The following SH3PXD2A variants were observed in gnomAD, a reference collection of about 807,000 sequenced individuals.
SH3PXD2A encodes the protein SH3 and PX domain-containing protein 2A.
In SH3PXD2A, 32 loss-of-function variants were observed where a neutral mutation model predicts 115.2. The observed-to-expected ratio is 0.28, with a 90% CI of 0.21 to 0.37. SH3PXD2A has a LOEUF of 0.37. Among genes scored for constraint, SH3PXD2A ranks in the 10% least tolerant of loss-of-function variants. The probability of loss-of-function intolerance (pLI) is 1.00; values close to 1 mark genes in which losing one functional copy is unlikely to be tolerated. For missense variants in SH3PXD2A, 1,328 were observed against 1,498.7 expected (o/e 0.89, Z 1.88); for synonymous variants, 610 against 629.1 (o/e 0.97, Z 0.45).
intron 6 of SH3PXD2A, among the ~76,000 whole-genome samples, chr10:103,675,223 G>A (rs575433865): frequency 6.6e-6 from 1 of 152,304 alleles, no homozygotes; most frequent in South Asian, 2.1e-4. Context: ...GTTTAGAAGG[G>A]TCCCTGCAGC....
At chr10:103,681,474 A>G (rs1321726366) in intron 6 of SH3PXD2A, among the ~76,000 whole-genome samples, 2 of 152,246 alleles carry the variant, frequency 1.3e-5, no homozygotes, top group Admixed American at 1.3e-4. Context: ...AAGCCTGTCA[A>G]AAATGCAGAT....
At chr10:103,712,883 C>A (rs2038062288) in intron 5 of SH3PXD2A, among the ~76,000 whole-genome samples, 1 of 152,198 alleles carries the variant, frequency 6.6e-6, no homozygotes, top group Non-Finnish European at 1.5e-5. Context: ...AGCTGAAGGG[C>A]AATGGCATGA....
chr10:103,793,510 G>A lies in SH3PXD2A; in HGVS notation c.153+7772C>T, dbSNP rs565592189. Among the ~76,000 whole-genome samples the A allele has an allele frequency of 2.6e-5, 4 of 152,204 alleles. No homozygotes were observed. The South Asian group carries it at 8.3e-4, about 31-fold the overall frequency. ...CTCTGTATGGATGGTCTTTTAGGCT[G>A]TTTCCCATTTTTGCCATTGCAAACA... On this transcript the variant is annotated intron_variant, in intron 2 of 14. Transcript: ENST00000369774.
intron 3 of SH3PXD2A, among the ~76,000 whole-genome samples, chr10:103,742,826 T>TG (rs917891392): frequency 3.4e-4 from 52 of 151,850 alleles, no homozygotes; most frequent in African/African-American, 6.3e-4. Context: ...GCCGAGAGAA[T>TG]GGGGGGGCGG....
At chr10:103,719,344 C>T (rs1283793436) in intron 5 of SH3PXD2A, among the ~76,000 whole-genome samples, 4 of 152,222 alleles carry the variant, frequency 2.6e-5, no homozygotes, top group Admixed American at 6.5e-5. Flanking sequence ...CTGGGGCCAG[C>T]CAGCCTGGCT....
Position 103,633,727 on chromosome 10 carries a change from C to CCAAAAA in SH3PXD2A, c.605-6526_605-6525insTTTTTG, listed in dbSNP as rs1554905367. 4.6e-4 allele frequency among the ~76,000 whole-genome samples: 34 copies of CCAAAAA among 74,358 alleles called. 9 individuals are homozygous for CCAAAAA. Among genetic ancestry groups the CCAAAAA allele is most frequent in the Admixed American group, 5.2e-4 (3 of 5,822 alleles). 48.8% of individuals were successfully genotyped at this position (74,358 alleles called of 152,430 possible). On this transcript the variant is annotated intron_variant, in intron 8 of 14. Coordinates refer to ENST00000369774, the MANE Select transcript of SH3PXD2A (RefSeq NM_001394015.1). ...TAGGCGATGGAGCAAGATTCTGTCT[C>CCAAAAA]AAAAAAAAAAAAAAAAAAAAAAAAA...
At chr10:103,791,233 C>G (rs1045414985) in intron 2 of SH3PXD2A, among the ~76,000 whole-genome samples, 1 of 152,172 alleles carries the variant, frequency 6.6e-6, no homozygotes, top group African/African-American at 2.4e-5. Flanking sequence ...CAGCAAAGGG[C>G]GGAGATGGCT....
chr10:103,780,374 T>A (rs896922879), intron 2 of SH3PXD2A, among the ~76,000 whole-genome samples: 1 of 152,214 alleles, frequency 6.6e-6, no homozygotes, highest in South Asian at 2.1e-4. Context: ...AGAACCTTCT[T>A]CCTCCAAAGT....
chr10:103,604,839 T>A (rs774697339), intron 14 of SH3PXD2A, among the ~76,000 whole-genome samples: 2 of 152,206 alleles, frequency 1.3e-5, no homozygotes, highest in African/African-American at 4.8e-5. Context: ...CAGACTCTCC[T>A]GGAAACCTCA....
At chr10:103,637,033 T>C (rs1482646866) in intron 8 of SH3PXD2A, among the ~76,000 whole-genome samples, 1 of 152,164 alleles carries the variant, frequency 6.6e-6, no homozygotes, top group Non-Finnish European at 1.5e-5. Flanking sequence ...GTGTATGCAA[T>C]ACCCAGAGAT....
At chr10:103,776,807 C>T (rs1484424185) in intron 2 of SH3PXD2A, among the ~76,000 whole-genome samples, 2 of 152,168 alleles carry the variant, frequency 1.3e-5, no homozygotes, top group Non-Finnish European at 2.9e-5. Flanking sequence ...CCACCCTACT[C>T]CCGGATGATC....
intron 5 of SH3PXD2A, among the ~76,000 whole-genome samples, chr10:103,707,396 T>A (rs976275948): frequency 6.6e-6 from 1 of 152,036 alleles, no homozygotes; most frequent in African/African-American, 2.4e-5. Flanking sequence ...GGGGTTTCAC[T>A]GTGTTGGGCA....
At chr10:103,612,819 GC>G (rs1317465752) in intron 12 of SH3PXD2A, 33 bp downstream of exon 12, 7 of 1,448,144 alleles carry the variant, frequency 4.8e-6, no homozygotes, top group Non-Finnish European at 6.5e-6. Flanking sequence ...AAGGAGCTTT[GC>G]AGTGAGGACC....
At chr10:103,630,544 T>A (rs2036762924) in intron 8 of SH3PXD2A, among the ~76,000 whole-genome samples, 1 of 151,748 alleles carries the variant, frequency 6.6e-6, no homozygotes, top group South Asian at 2.1e-4. Context: ...AAAACCTGAG[T>A]CCCACAAAAC....
chr10:103,626,942 C>A, intron 9 of SH3PXD2A, 147 bp downstream of exon 9: 1 of 593,406 alleles, frequency 1.7e-6, no homozygotes, highest in East Asian at 2.9e-5. Context: ...AGCTTTTGGG[C>A]CAACCTTACT....
intron 8 of SH3PXD2A, among the ~76,000 whole-genome samples, chr10:103,640,203 C>T (rs1373382922): frequency 6.6e-6 from 1 of 151,846 alleles, no homozygotes; most frequent in South Asian, 2.1e-4. Context: ...TAATCCCAGC[C>T]ACTTGGGAGG....
chr10:103,816,283 A>G (rs1211222713), intron 1 of SH3PXD2A, among the ~76,000 whole-genome samples: 3 of 152,230 alleles, frequency 2.0e-5, no homozygotes, highest in African/African-American at 7.2e-5. Flanking sequence ...TGCAACTTTT[A>G]TTGAAAAAGA....
At chr10:103,644,114 CAAAAAA>C (rs71019685) in intron 8 of SH3PXD2A, among the ~76,000 whole-genome samples, 1 of 72,274 alleles carries the variant, frequency 1.4e-5, no homozygotes. Flanking sequence ...GGCTCCATCC[CAAAAAA>C]AAAAAAAAAA....
At chr10:103,781,003 G>A (rs973875295) in intron 2 of SH3PXD2A, among the ~76,000 whole-genome samples, 1 of 152,114 alleles carries the variant, frequency 6.6e-6, no homozygotes, top group African/African-American at 2.4e-5. Flanking sequence ...CCTGCCTGAG[G>A]TCTCCACAGG....
Sources: allele counts gnomAD v4.1 joint callset (sites outside exome capture counted in the v4.1 genomes callset), GRCh38; gene constraint gnomAD v4.1.1; transcripts MANE v1.5; gene names NCBI Gene and HGNC (gene_info 2026-07-23, HGNC 2026-07-21).